The following LCLAT1 variants were observed in gnomAD, a reference collection of about 807,000 sequenced individuals.
The protein encoded by LCLAT1 is 1-AGP acyltransferase 8.
In LCLAT1, 11 loss-of-function variants were observed where a neutral mutation model predicts 30.7. The observed-to-expected ratio is 0.36, with a 90% CI of 0.23 to 0.59. LCLAT1 has a LOEUF of 0.59. Ranked by LOEUF, LCLAT1 falls within the 20% of genes least tolerant of loss-of-function variation. The pLI is 0.77. For synonymous variants in LCLAT1, 155 were observed against 151.3 expected (o/e 1.02, Z -0.18); for missense variants, 402 against 458.6 (o/e 0.88, Z 1.13).
intron 5 of LCLAT1, among the ~76,000 whole-genome samples, chr2:30,627,252 T>G (rs1042870499): frequency 3.3e-5 from 5 of 152,180 alleles, no homozygotes; most frequent in African/African-American, 1.2e-4. Context: ...CCTCCCCCAG[T>G]TCCCCATTGG....
At chr2:30,506,177 CT>C (rs1224670366) in intron 1 of LCLAT1, among the ~76,000 whole-genome samples, 1 of 152,068 alleles carries the variant, frequency 6.6e-6, no homozygotes, top group Non-Finnish European at 1.5e-5. Context: ...CTTGTAACTT[CT>C]TTTTGTTCCT....
intron 5 of LCLAT1, among the ~76,000 whole-genome samples, chr2:30,593,580 G>C (rs1280223223): frequency 6.6e-6 from 1 of 152,032 alleles, no homozygotes; most frequent in Non-Finnish European, 1.5e-5. Flanking sequence ...TTTTATTTCT[G>C]TGAGTAATGT....
At chr2:30,496,177 A>G (rs932834509) in intron 1 of LCLAT1, among the ~76,000 whole-genome samples, 5 of 152,184 alleles carry the variant, frequency 3.3e-5, no homozygotes, top group African/African-American at 7.2e-5. Context: ...TATTATGAGA[A>G]CAGCAAGGGG....
intron 1 of LCLAT1, among the ~76,000 whole-genome samples, chr2:30,496,376 GC>G: frequency 6.6e-6 from 1 of 152,296 alleles, no homozygotes; most frequent in East Asian, 1.9e-4. Flanking sequence ...CTCTGATTCT[GC>G]CCTTGGCACA....
chr2:30,498,606 T>G (rs1684225391), intron 1 of LCLAT1, among the ~76,000 whole-genome samples: 1 of 152,216 alleles, frequency 6.6e-6, no homozygotes, highest in Non-Finnish European at 1.5e-5. Flanking sequence ...ATTGCCTGCC[T>G]TACGGGTGTC....
intron 5 of LCLAT1, among the ~76,000 whole-genome samples, chr2:30,626,729 C>G (rs1344994376): frequency 6.6e-6 from 1 of 150,778 alleles, no homozygotes; most frequent in African/African-American, 2.4e-5. Flanking sequence ...AGTAGTTTCT[C>G]TTTTTCAGTT....
chr2:30,636,974 A>G (rs1462838999), intron 5 of LCLAT1, among the ~76,000 whole-genome samples: 1 of 152,206 alleles, frequency 6.6e-6, no homozygotes, highest in Non-Finnish European at 1.5e-5. Context: ...AAGACCTGTA[A>G]TCCTGATTGA....
At chr2:30,574,161 A>G (rs540333498) in intron 5 of LCLAT1, among the ~76,000 whole-genome samples, 1 of 152,108 alleles carries the variant, frequency 6.6e-6, no homozygotes, top group Non-Finnish European at 1.5e-5. Flanking sequence ...AATAATAATA[A>G]TAATAGCAGC....
Position 30,636,553 on chromosome 2 carries a change from T to C in LCLAT1, c.629-3564T>C, listed in dbSNP as rs201951193. On this transcript the variant is annotated intron_variant, in intron 5 of 5. Transcript: ENST00000379509. ...CCCAGGCAGTCTGTGTCCACAGCCC[T>C]CCCTCCACACTCGGTGCTGCCATGA... 5.9e-5 allele frequency among the ~76,000 whole-genome samples: 9 copies of C among 152,088 alleles called. No individual in the cohort carries two copies. In the East Asian group the frequency reaches 1.7e-3, roughly 29 times the overall value.
chr2:30,453,105 CTCTCAAA>C (rs1270214077), intron 1 of LCLAT1, among the ~76,000 whole-genome samples: 1 of 152,146 alleles, frequency 6.6e-6, no homozygotes, highest in East Asian at 1.9e-4. Context: ...TTAGTTTTTC[CTCTCAAA>C]TAAGAGACCA....
chr2:30,475,982 A>G (rs1377541872), intron 1 of LCLAT1, among the ~76,000 whole-genome samples: 1 of 152,168 alleles, frequency 6.6e-6, no homozygotes, highest in Non-Finnish European at 1.5e-5. Context: ...CTTCAGCTTC[A>G]TGGTTCTAGC....
At chr2:30,627,649 C>A (rs1274370532) in intron 5 of LCLAT1, among the ~76,000 whole-genome samples, 1 of 152,108 alleles carries the variant, frequency 6.6e-6, no homozygotes, top group East Asian at 1.9e-4. Context: ...GTGAAGCCTA[C>A]ACTATAATTT....
Position 30,642,296 on chromosome 2 carries a change from G to GT in LCLAT1, c.*1680dup, listed in dbSNP as rs1184952902. The GT allele has an allele frequency of 1.3e-5, 2 of 151,934 alleles. No individual in the cohort carries two copies. Among genetic ancestry groups the GT allele is most frequent in the Admixed American group, 6.6e-5 (1 of 15,260 alleles). The allele number at this position is 151,934 out of a possible 1,614,324, so 9.4% of individuals were successfully genotyped here. ...CATATTCCTCTGCTCCCCCAAAGCT[G>GT]TTTCTGATCCTGCTGGGAGCAACTA... On this transcript the variant is annotated 3_prime_UTR_variant, in exon 6 of 6. Coordinates refer to ENST00000379509, the MANE Select transcript of LCLAT1 (RefSeq NM_001002257.3).
At chr2:30,590,336 A>G (rs572825664) in intron 5 of LCLAT1, among the ~76,000 whole-genome samples, 2 of 146,712 alleles carry the variant, frequency 1.4e-5, no homozygotes, top group South Asian at 4.3e-4. Flanking sequence ...TTTTTTTTTG[A>G]AATTGGAAAC....
chr2:30,465,616 T>C (rs10208299), intron 1 of LCLAT1, among the ~76,000 whole-genome samples: 19,266 of 152,256 alleles, frequency 0.13, 1,351 homozygotes, highest in South Asian at 0.23. Context: ...ATCTACTCTT[T>C]GCTAATCACC....
At chr2:30,544,764 T>C (rs1214171321) in intron 3 of LCLAT1, among the ~76,000 whole-genome samples, 1 of 152,210 alleles carries the variant, frequency 6.6e-6, no homozygotes, top group Admixed American at 6.5e-5. Context: ...TACACCCTCC[T>C]ACCCCTTACC....
At chr2:30,465,863 T>C (rs1682393004) in intron 1 of LCLAT1, among the ~76,000 whole-genome samples, 1 of 152,206 alleles carries the variant, frequency 6.6e-6, no homozygotes, top group African/African-American at 2.4e-5. Context: ...ACAAAAGTCT[T>C]CTTTAACAGA....
chr2:30,461,864 G>A (rs941076073), intron 1 of LCLAT1, among the ~76,000 whole-genome samples: 4 of 145,618 alleles, frequency 2.7e-5, no homozygotes, highest in East Asian at 2.1e-4. Flanking sequence ...TCCGCCTCCC[G>A]GGTTCACGCC....
intron 1 of LCLAT1, among the ~76,000 whole-genome samples, chr2:30,474,921 G>A: frequency 6.6e-6 from 1 of 152,000 alleles, no homozygotes; most frequent in Non-Finnish European, 1.5e-5. Context: ...CAAAGTGCTG[G>A]GATTACAGGC....
Sources: allele counts gnomAD v4.1 joint callset (sites outside exome capture counted in the v4.1 genomes callset), GRCh38; gene constraint gnomAD v4.1.1; transcripts MANE v1.5; gene names NCBI Gene and HGNC (gene_info 2026-07-23, HGNC 2026-07-21).